Variants in KHDRBS2 observed in about 807,000 individuals in gnomAD.
KHDRBS2 encodes KH domain-containing, RNA-binding, signal transduction-associated protein 2.
Under a neutral mutation model 44.3 loss-of-function variants are expected in KHDRBS2, and 26 were observed. That is an observed-to-expected ratio of 0.59 (90% CI 0.43 to 0.81). The LOEUF is 0.81. KHDRBS2 is among the 40% of genes least tolerant of loss of function. The pLI is 0.00. For missense variants in KHDRBS2, 476 were observed against 433.1 expected (o/e 1.10, Z -0.88); for synonymous variants, 194 against 151.1 (o/e 1.28, Z -2.08).
intron 7 of KHDRBS2, among the ~76,000 whole-genome samples, chr6:61,706,963 A>C (rs550195186): frequency 2.0e-5 from 3 of 151,754 alleles, no homozygotes; most frequent in African/African-American, 4.8e-5. Flanking sequence ...CAAAAACAAA[A>C]CAGTTATAAG....
intron 2 of KHDRBS2, among the ~76,000 whole-genome samples, chr6:62,093,792 T>A (rs1799953943): frequency 2.6e-5 from 4 of 151,526 alleles, no homozygotes; most frequent in Admixed American, 2.6e-4. Flanking sequence ...CCATTCAGAT[T>A]CCTCCATGTT....
intron 1 of KHDRBS2, among the ~76,000 whole-genome samples, chr6:62,270,622 C>T (rs554642851): frequency 6.6e-6 from 1 of 152,020 alleles, no homozygotes; most frequent in South Asian, 2.1e-4. Context: ...GGGTATTGTT[C>T]ACACAAGACT....
intron 6 of KHDRBS2, among the ~76,000 whole-genome samples, chr6:61,837,256 T>C (rs757654293): frequency 2.6e-5 from 4 of 152,036 alleles, no homozygotes; most frequent in Non-Finnish European, 5.9e-5. Context: ...GTATTCAAAG[T>C]GTTCATTATT....
chr6:62,155,221 A>G (rs1816094739), intron 2 of KHDRBS2, among the ~76,000 whole-genome samples: 1 of 152,212 alleles, frequency 6.6e-6, no homozygotes, highest in South Asian at 2.1e-4. Flanking sequence ...AGCAAGAGTT[A>G]AAGATGACAC....
rs374063933 is a variant in KHDRBS2, at chr6:62,058,290, T to C, written c.220-10296A>G. Among the ~76,000 whole-genome samples, 80 of 152,022 alleles carry C rather than the reference T, an allele frequency of 5.3e-4. No individual in the cohort carries two copies. The East Asian group carries it at 0.014, about 27-fold the overall frequency. The stretch of plus-strand genomic sequence containing the variant: ...TCTCTCCTGCAGAGAGAATTCTTCA[T>C]TTTTCATTTGATACAGCTGGTCTTG... On this transcript the variant is annotated intron_variant, in intron 2 of 8. Transcript: ENST00000281156.
chr6:61,578,079 T>C, the KHDRBS2 span, among the ~76,000 whole-genome samples: 5 of 152,028 alleles, frequency 3.3e-5, no homozygotes, highest in Admixed American at 6.6e-5. Context: ...CTGGACTGAC[T>C]CCCAGAAAAA....
At chr6:62,058,770 C>A (rs1381778357) in intron 2 of KHDRBS2, among the ~76,000 whole-genome samples, 5 of 151,594 alleles carry the variant, frequency 3.3e-5, no homozygotes, top group Admixed American at 1.3e-4. Context: ...GAGGTTTCTA[C>A]CAAAGAAAAC....
At chr6:62,271,310 AATGCATTACTC>A (rs1274689783) in intron 1 of KHDRBS2, among the ~76,000 whole-genome samples, 2 of 152,180 alleles carry the variant, frequency 1.3e-5, no homozygotes, top group Non-Finnish European at 2.9e-5. Flanking sequence ...TATCTAGCAC[AATGCATTACTC>A]ATGTGTTTGT....
chr6:62,075,860 C>T (rs1382656975), intron 2 of KHDRBS2, among the ~76,000 whole-genome samples: 1 of 151,018 alleles, frequency 6.6e-6, no homozygotes, highest in African/African-American at 2.4e-5. Context: ...TCTGTATATA[C>T]CCTGCTGGTG....
chr6:62,117,073 T>C (rs1806423614), intron 2 of KHDRBS2, among the ~76,000 whole-genome samples: 1 of 152,204 alleles, frequency 6.6e-6, no homozygotes, highest in African/African-American at 2.4e-5. Context: ...GGAGTGCAGA[T>C]ATCTCTTCAA....
chr6:61,965,143 G>A (rs1412638152), intron 4 of KHDRBS2, among the ~76,000 whole-genome samples: 1 of 152,068 alleles, frequency 6.6e-6, no homozygotes, highest in East Asian at 1.9e-4. Context: ...AAATTCCAGT[G>A]ACAAGAGTCC....
At chr6:61,886,363 C>G (rs377098564) in intron 6 of KHDRBS2, among the ~76,000 whole-genome samples, 36 of 152,080 alleles carry the variant, frequency 2.4e-4, no homozygotes, top group African/African-American at 8.5e-4. Flanking sequence ...TTTACCATCC[C>G]TTCTGCATGG....
chr6:61,894,076 A>T (rs1802484509), intron 6 of KHDRBS2, among the ~76,000 whole-genome samples: 5 of 152,180 alleles, frequency 3.3e-5, no homozygotes, highest in Admixed American at 3.3e-4. Flanking sequence ...AAGATGACCA[A>T]AAGATACAGT....
chr6:61,924,178 A>G (rs891003401), intron 4 of KHDRBS2, among the ~76,000 whole-genome samples: 1 of 152,102 alleles, frequency 6.6e-6, no homozygotes, highest in Non-Finnish European at 1.5e-5. Flanking sequence ...AAAGAGACGT[A>G]CACTATGTTC....
chr6:62,243,604 C>CA (rs11306947), intron 1 of KHDRBS2, among the ~76,000 whole-genome samples: 4,750 of 116,318 alleles, frequency 0.041, 84 homozygotes, highest in African/African-American at 0.049. Context: ...CATACCTATA[C>CA]AAAAAAAAAA....
chr6:61,601,418 T>C, the KHDRBS2 span, among the ~76,000 whole-genome samples: 1 of 152,134 alleles, frequency 6.6e-6, no homozygotes, highest in Non-Finnish European at 1.5e-5. Flanking sequence ...AATCTAAGCA[T>C]CTTATTTTCT....
chr6:61,994,914 A>G (rs1157871915), intron 3 of KHDRBS2, among the ~76,000 whole-genome samples: 4 of 151,972 alleles, frequency 2.6e-5, no homozygotes, highest in African/African-American at 9.7e-5. Context: ...CACAGAGGAG[A>G]AGGGAAAATA....
At chr6:61,748,135 A>G (rs1184484067) in intron 6 of KHDRBS2, among the ~76,000 whole-genome samples, 1 of 152,046 alleles carries the variant, frequency 6.6e-6, no homozygotes, top group African/African-American at 2.4e-5. Flanking sequence ...GATTACAGGC[A>G]CCTGCCACCA....
chr6:61,864,804 G>A (rs1797547883), intron 6 of KHDRBS2, among the ~76,000 whole-genome samples: 1 of 152,140 alleles, frequency 6.6e-6, no homozygotes, highest in South Asian at 2.1e-4. Context: ...TTTGAATGCT[G>A]TCCTGTCTAG....
Sources: gnomAD v4.1 joint callset for allele counts (sites outside exome capture counted in the v4.1 genomes callset) on GRCh38, gnomAD v4.1.1 for gene constraint, MANE v1.5 for transcripts, NCBI Gene and HGNC (gene_info 2026-07-23, HGNC 2026-07-21) for gene names.